The following TSGA10 variants were observed in gnomAD, a reference collection of about 807,000 sequenced individuals.
TSGA10 encodes the protein testis specific 10.
In TSGA10, 43 loss-of-function variants were observed where a neutral mutation model predicts 96.6. The observed-to-expected ratio is 0.44, with a 90% CI of 0.35 to 0.57. The LOEUF is 0.57. Ranked by LOEUF, TSGA10 falls within the 20% of genes least tolerant of loss-of-function variation. The pLI, the probability that TSGA10 is intolerant of heterozygous loss-of-function variation, is 0.01. For synonymous variants in TSGA10, 229 were observed against 269.9 expected, an observed-to-expected ratio of 0.85 and a Z score of 1.48; for missense variants, 703 against 834.4, an observed-to-expected ratio of 0.84 and a Z score of 1.94.
At chr2:99,001,188 C>G (rs1192975414) in intron 20 of TSGA10, among the ~76,000 whole-genome samples, 3 of 152,136 alleles carry the variant, frequency 2.0e-5, no homozygotes, top group African/African-American at 7.2e-5. Context: ...AGTCCCTGAC[C>G]CCCTAGTAGC....
Position 99,147,607 on chromosome 2 carries a change from T to A in TSGA10, c.-621+7086A>T, listed in dbSNP as rs369171094. 2.8e-5 allele frequency: 26 copies of A among 913,446 alleles called. No individual in the cohort carries two copies. The African/African-American group carries it at 4.0e-4, about 14-fold the overall frequency. 56.6% of individuals were successfully genotyped at this position (913,446 alleles called of 1,614,324 possible). ...ATTATATGTTACCATTCTTTTACGT[T>A]TGTTGATTTCAAATGCCATGTTTTA... On this transcript the variant is annotated intron_variant, in intron 1 of 20. Transcript: ENST00000393483.
chr2:99,035,409 G>T lies in TSGA10; in HGVS notation c.1435C>A (p.Gln479Lys). Residue 479 changes from glutamine to lysine, a missense_variant, in exon 17 of 21, where the codon CAG becomes AAG. Coordinates refer to ENST00000393483, the MANE Select transcript of TSGA10 (RefSeq NM_025244.4). ...HLNAERSYKS[Q>K]ISTLHKSVVK... ...ACAGATTTATGTAAGGTAGAAATCTGGGACTTGTAAGACCTTTCTGCATTT... is the reference window on the plus strand; with the variant it reads ...ACAGATTTATGTAAGGTAGAAATCTTGGACTTGTAAGACCTTTCTGCATTT... 6.2e-7 allele frequency: 1 copy of T among 1,611,890 alleles called. No homozygotes were observed. The highest frequency in any genetic ancestry group is 8.5e-7 in the Non-Finnish European group (1 of 1,178,822).
chr2:99,008,126 C>T (rs1001440079), intron 20 of TSGA10, among the ~76,000 whole-genome samples: 3 of 152,086 alleles, frequency 2.0e-5, no homozygotes, highest in Admixed American at 6.6e-5. Context: ...CATTCCTCTA[C>T]TATCTGGGGA....
chr2:99,026,778 G>GT (rs1272853692), intron 17 of TSGA10, among the ~76,000 whole-genome samples: 1 of 152,186 alleles, frequency 6.6e-6, no homozygotes, highest in Non-Finnish European at 1.5e-5. Flanking sequence ...ACTTAAGGAG[G>GT]TAAAGTAAGG....
chr2:99,086,862 A>C (rs1338632063), intron 10 of TSGA10, among the ~76,000 whole-genome samples: 1 of 152,046 alleles, frequency 6.6e-6, no homozygotes, highest in Admixed American at 6.6e-5. Context: ...CTGAGGCTAG[A>C]TGTTCAAGAC....
At chr2:99,079,571 T>G (rs2087171582) in intron 11 of TSGA10, among the ~76,000 whole-genome samples, 1 of 152,206 alleles carries the variant, frequency 6.6e-6, no homozygotes, top group Non-Finnish European at 1.5e-5. Flanking sequence ...GTGATTCTAA[T>G]GTATAATGAG....
intron 20 of TSGA10, among the ~76,000 whole-genome samples, chr2:99,014,281 G>A (rs1265746363): frequency 3.3e-5 from 5 of 151,886 alleles, no homozygotes; most frequent in African/African-American, 9.7e-5. Context: ...GTTGCAGTGA[G>A]CCGAGATCAT....
Position 98,997,969 on chromosome 2 carries a change from C to G in TSGA10, c.*228G>C. 1 of 418,692 alleles carries G rather than the reference C, an allele frequency of 2.4e-6. No individual in the cohort carries two copies. The highest frequency in any genetic ancestry group is 7.6e-5 in the South Asian group (1 of 13,082). 25.9% of individuals were successfully genotyped at this position (418,692 alleles called of 1,614,324 possible). A position where few individuals can be genotyped will look rare whatever the true frequency, so the allele number is the denominator to read the frequency against. ...AATAGTGAAGTAAGCAGATTTTACA[C>G]TCACTATCACTGCATGGATAGAAAG... On this transcript the variant is annotated 3_prime_UTR_variant, in exon 21 of 21. Transcript: ENST00000393483.
chr2:99,099,696 T>C (rs1370378144), intron 10 of TSGA10, among the ~76,000 whole-genome samples: 1 of 152,092 alleles, frequency 6.6e-6, no homozygotes, highest in Non-Finnish European at 1.5e-5. Context: ...AGAAATATAT[T>C]GAATAGTTAA....
At chr2:99,093,286 C>A (rs993235689) in intron 10 of TSGA10, among the ~76,000 whole-genome samples, 1 of 152,136 alleles carries the variant, frequency 6.6e-6, no homozygotes, top group African/African-American at 2.4e-5. Flanking sequence ...GACATACCCA[C>A]AGCCAATATA....
intron 1 of TSGA10, among the ~76,000 whole-genome samples, chr2:99,127,401 A>T (rs1215781821): frequency 6.6e-6 from 1 of 152,152 alleles, no homozygotes; most frequent in African/African-American, 2.4e-5. Context: ...CATTCCCTAC[A>T]CTATCCTTTT....
At chr2:99,109,658 T>A (rs914842099) in intron 5 of TSGA10, 146 bp from the exon 6 acceptor site, 3 of 508,706 alleles carry the variant, frequency 5.9e-6, no homozygotes, top group African/African-American at 4.0e-5. Flanking sequence ...AACATTTAAT[T>A]TGGTATTTTT....
chr2:99,066,322 T>C (rs1205405284), intron 15 of TSGA10, among the ~76,000 whole-genome samples: 2 of 152,206 alleles, frequency 1.3e-5, no homozygotes. Flanking sequence ...ATATGTGTTT[T>C]CCATGATTGT....
rs376584305 is a variant in TSGA10, at chr2:99,072,951, C to G, written c.938+67G>C. 2.7e-5 allele frequency: 30 copies of G among 1,111,294 alleles called. No homozygotes were observed. In the African/African-American group the frequency reaches 4.0e-4, roughly 15 times the overall value. 68.8% of individuals were successfully genotyped at this position (1,111,294 alleles called of 1,614,324 possible). On this transcript the variant is annotated intron_variant, in intron 13 of 20. Transcript: ENST00000393483. ...CATTAAGCCCCTTGTTTCTTACTAT[C>G]TTTGTACCTAACATGGTACTTGGCC...
rs1353838753 is a variant in TSGA10 at position 99,006,062 on chromosome 2, AATG to A, written c.2073-7844_2073-7842del. Among the ~76,000 whole-genome samples, 7 of 152,246 alleles carry A rather than the reference AATG, an allele frequency of 4.6e-5. 1 individual carries two copies. Among genetic ancestry groups the A allele is most frequent in the Admixed American group, 2.6e-4 (4 of 15,292 alleles). On this transcript the variant is annotated intron_variant, in intron 20 of 20. Transcript: ENST00000393483. ...TGGGGAAAGGATTCCCTATTTAATA[AATG>A]ATGCTGGGAAAACTGGCTAGCTGTA...
Position 99,023,010 on chromosome 2 carries a change from T to C in TSGA10, c.1615-2528A>G, listed in dbSNP as rs1226213261. Among the ~76,000 whole-genome samples, 4 of 152,254 alleles carry C rather than the reference T, an allele frequency of 2.6e-5. 1 individual carries two copies. In the South Asian group the frequency reaches 6.2e-4, roughly 24 times the overall value. On this transcript the variant is annotated intron_variant, in intron 17 of 20. Transcript: ENST00000393483. ...TATTAATATCCTTTGCCTAATTTTT[T>C]AGTTGGGTTATTAAGTTTTTTGTTT...
At chr2:99,017,764 C>CAA (rs1252515584) in intron 20 of TSGA10, among the ~76,000 whole-genome samples, 7 of 66,432 alleles carry the variant, frequency 1.1e-4, no homozygotes, top group Admixed American at 6.5e-4. Context: ...GACTCCGTCT[C>CAA]AAAAAAAAAA....
chr2:99,066,956 C>T (rs139423651), intron 15 of TSGA10, among the ~76,000 whole-genome samples: 8 of 152,210 alleles, frequency 5.3e-5, no homozygotes, highest in African/African-American at 1.9e-4. Flanking sequence ...ATTTTGTTAC[C>T]CTTCTGGTTT....
rs181618177 is a variant in TSGA10, at chr2:99,030,028, T to C, written c.1614+5202A>G. Among the ~76,000 whole-genome samples the C allele has an allele frequency of 1.4e-4, 22 of 152,324 alleles. 1 individual carries two copies. In the East Asian group the frequency reaches 3.7e-3, roughly 25 times the overall value. On this transcript the variant is annotated intron_variant, in intron 17 of 20. Coordinates refer to ENST00000393483, the MANE Select transcript of TSGA10 (RefSeq NM_025244.4). The stretch of plus-strand genomic sequence containing the variant: ...CTAGTAAGTGGATTTGGCAAGTTCA[T>C]AGGACACAAGATAAACATTCAAAAA...
Sources: allele counts gnomAD v4.1 joint callset (sites outside exome capture counted in the v4.1 genomes callset), GRCh38; gene constraint gnomAD v4.1.1; transcripts MANE v1.5; gene names NCBI Gene and HGNC (gene_info 2026-07-23, HGNC 2026-07-21).